Variants in DCST1 observed in about 807,000 individuals in gnomAD.
DCST1 encodes DC-STAMP domain containing 1.
DCST1 carries 78 observed loss-of-function variants against 89.1 expected under a neutral mutation model. The ratio of observed to expected loss-of-function variants is 0.88; its 90% confidence interval spans 0.73 to 1.06. DCST1 has a LOEUF of 1.06. DCST1 is among the 50% of genes least tolerant of loss of function. The pLI is 0.00. For missense variants in DCST1, 900 were observed against 928.6 expected, an observed-to-expected ratio of 0.97 and a Z score of 0.40; for synonymous variants, 364 against 371.9, an observed-to-expected ratio of 0.98 and a Z score of 0.24.
chr1:155,040,258 G>A (rs1320970446), intron 5 of DCST1, among the ~76,000 whole-genome samples: 17 of 145,202 alleles, frequency 1.2e-4, no homozygotes, highest in Non-Finnish European at 2.4e-4. Context: ...AGCAGAGATC[G>A]AGCCACTGCA....
At chr1:155,047,076 A>T (rs1026549082) in intron 13 of DCST1, 120 bp from the exon 14 acceptor site, 2 of 855,486 alleles carry the variant, frequency 2.3e-6, no homozygotes, top group Non-Finnish European at 4.1e-6. Flanking sequence ...GAAGGGACAG[A>T]AAGACTCAGG....
intron 5 of DCST1, 151 bp downstream of exon 5, chr1:155,039,682 T>G: frequency 9.5e-7 from 1 of 1,056,872 alleles, no homozygotes; most frequent in Admixed American, 3.6e-5. Context: ...CCTCCCCATA[T>G]CTGGGCCTCC....
At chr1:155,038,078 C>T (rs1660326367) in intron 4 of DCST1, among the ~76,000 whole-genome samples, 1 of 152,240 alleles carries the variant, frequency 6.6e-6, no homozygotes, top group Non-Finnish European at 1.5e-5. Context: ...TGGCACCCGA[C>T]AGGGTTTGCC....
At chr1:155,050,183 T>G (rs1372324771) in intron 16 of DCST1, among the ~76,000 whole-genome samples, 1 of 152,180 alleles carries the variant, frequency 6.6e-6, no homozygotes, top group Non-Finnish European at 1.5e-5. Flanking sequence ...GGGAGCATAG[T>G]GAACTAGGTT....
Position 155,045,914 on chromosome 1 carries a change from C to A in DCST1, c.1194C>A (p.Ser398Arg). 3 of 1,614,188 alleles carry A rather than the reference C, an allele frequency of 1.9e-6. No individual in the cohort carries two copies. Among genetic ancestry groups the A allele is most frequent in the Non-Finnish European group, 2.5e-6 (3 of 1,180,000 alleles). The change falls in exon 11 of 17, where the codon AGC becomes AGA. Residue 398 changes from serine (S) to arginine (R), a missense_variant. By Grantham distance (110) the Ser-to-Arg change is moderately radical (BLOSUM62 -1). Coordinates refer to ENST00000295542, the MANE Select transcript of DCST1 (RefSeq NM_152494.4). Reference sequence around the variant, plus strand: ...ACAGGTCTTTCTCCTACATGGACAGCTATAACCATGACATTCGTTTTGACA... The same window carrying A: ...ACAGGTCTTTCTCCTACATGGACAGATATAACCATGACATTCGTTTTGACA... Reference protein sequence around the residue: ...VLHASFSYMDSYNHDIRFDNI... With the variant: ...VLHASFSYMDRYNHDIRFDNI...
chr1:155,043,079 G>A (rs367760528), intron 9 of DCST1, among the ~76,000 whole-genome samples: 9 of 152,136 alleles, frequency 5.9e-5, no homozygotes, highest in East Asian at 1.9e-4. Flanking sequence ...GAAAGGTGGT[G>A]AGGAGGGGAC....
intron 13 of DCST1, 31 bp from the exon 14 acceptor site, chr1:155,047,165 C>T: frequency 6.3e-7 from 1 of 1,580,712 alleles, no homozygotes; most frequent in Non-Finnish European, 8.7e-7. Context: ...TCCACCTGCC[C>T]TGACTTCCCT....
At position 155,047,238 on chromosome 1, in the gene DCST1, T is replaced by C. The variant is rs767684920; in HGVS notation, c.1538T>C (p.Leu513Pro). 2.5e-6 allele frequency: 4 copies of C among 1,614,214 alleles called. No homozygotes were observed. Among genetic ancestry groups the C allele is most frequent in the South Asian group, 2.2e-5 (2 of 91,092 alleles). ...GTGAAGGTCGGGGGAGACTCCATGC[T>C]AGCCCGGCTTCTTCGAAAAACCATT... ...LEVKVGGDSM[L>P]ARLLRKTIGA... The change falls in exon 14 of 17, where the codon CTA (leucine) becomes CCA (proline). Residue 513 changes from leucine (L) to proline (P), a missense_variant. Physicochemically the swap from Leu to Pro is moderately conservative, Grantham distance 98. Coordinates refer to ENST00000295542, the MANE Select transcript of DCST1 (RefSeq NM_152494.4).
At chr1:155,040,382 G>A in intron 5 of DCST1, 103 bp from the exon 6 acceptor site, 6 of 1,325,604 alleles carry the variant, frequency 4.5e-6, no homozygotes, top group Admixed American at 5.1e-5. Flanking sequence ...CCCCACCACT[G>A]TATAGTTCTA....
intron 4 of DCST1, 139 bp from the exon 5 acceptor site, chr1:155,039,264 C>A: frequency 1.9e-6 from 2 of 1,039,798 alleles, no homozygotes; most frequent in South Asian, 2.4e-5. Flanking sequence ...GCAGGTCTAT[C>A]AGAGTCAGTG....
intron 13 of DCST1, 112 bp downstream of exon 13, chr1:155,046,598 C>CACAT: frequency 2.4e-6 from 1 of 415,816 alleles, no homozygotes; most frequent in Non-Finnish European, 3.4e-6. Context: ...GTCCTTCTGC[C>CACAT]TCTTTTTTTT....
intron 8 of DCST1, among the ~76,000 whole-genome samples, chr1:155,042,230 C>T (rs1270243286): frequency 1.3e-5 from 2 of 152,244 alleles, no homozygotes; most frequent in Admixed American, 6.5e-5. Context: ...TCCTGAGTAG[C>T]TGGGATTACA....
At chr1:155,044,885 T>G (rs1378937346) in intron 10 of DCST1, among the ~76,000 whole-genome samples, 1 of 152,010 alleles carries the variant, frequency 6.6e-6, no homozygotes, top group Non-Finnish European at 1.5e-5. Flanking sequence ...GGGTAGAGCA[T>G]GGCAGGAAGA....
At chr1:155,041,901 C>T (rs1660452020) in intron 8 of DCST1, 44 bp downstream of exon 8, 3 of 1,610,670 alleles carry the variant, frequency 1.9e-6, no homozygotes, top group Non-Finnish European at 2.5e-6. Flanking sequence ...GGGTAGGGAG[C>T]TGAGTCCTTG....
chr1:155,042,026 G>A (rs1660454623), intron 8 of DCST1, among the ~76,000 whole-genome samples, 169 bp downstream of exon 8: 1 of 152,218 alleles, frequency 6.6e-6, no homozygotes, highest in African/African-American at 2.4e-5. Flanking sequence ...CGCAGGGTGA[G>A]TTACAGCAAA....
intron 6 of DCST1, among the ~76,000 whole-genome samples, 184 bp from the exon 7 acceptor site, chr1:155,041,213 G>A (rs1166452012): frequency 1.3e-5 from 2 of 152,142 alleles, no homozygotes; most frequent in African/African-American, 4.8e-5. Flanking sequence ...AGCTGGTGGG[G>A]GGGCTCCCAA....
chr1:155,039,455 C>G lies in DCST1; in HGVS notation c.315C>G (p.Leu105=), dbSNP rs2102353310. Residue 105 remains leucine (L), a synonymous_variant, in exon 5 of 17, where the codon CTC becomes CTG. Transcript: ENST00000295542. ...GTSPHIRCAS[L]LLVPKMLGKE... The stretch of plus-strand genomic sequence containing the variant: ...CCCCTCACATCCGCTGTGCCAGCCT[C>G]CTACTAGTACCCAAGATGCTGGGCA... 6.2e-7 allele frequency: 1 copy of G among 1,601,382 alleles called. No individual in the cohort carries two copies. Among genetic ancestry groups the G allele is most frequent in the East Asian group, 2.3e-5 (1 of 44,022 alleles).
intron 10 of DCST1, chr1:155,045,593 C>G: frequency 2.3e-6 from 1 of 435,616 alleles, no homozygotes; most frequent in Non-Finnish European, 4.2e-6. Flanking sequence ...CAGATGCACA[C>G]ATGCAACTCC....
intron 10 of DCST1, 143 bp from the exon 11 acceptor site, chr1:155,045,750 C>A (rs1006261384): frequency 2.9e-6 from 2 of 687,776 alleles, no homozygotes; most frequent in South Asian, 1.7e-5. Context: ...TATCACCATC[C>A]CCTAGCAGTG....
Sources: gnomAD v4.1 joint callset for allele counts (sites outside exome capture counted in the v4.1 genomes callset) on GRCh38, gnomAD v4.1.1 for gene constraint, MANE v1.5 for transcripts, NCBI Gene and HGNC (gene_info 2026-07-23, HGNC 2026-07-21) for gene names.